Variants in CFHR2 observed in about 807,000 individuals in gnomAD.
CFHR2 encodes complement factor H related 2.
In CFHR2, 22 loss-of-function variants were observed where a neutral mutation model predicts 21.7. The observed-to-expected ratio is 1.01, with a 90% CI of 0.72 to 1.45. CFHR2 has a LOEUF of 1.45. Among genes scored for constraint, CFHR2 ranks in the 40% most tolerant of loss-of-function variants. CFHR2 has a pLI of 0.00. For synonymous variants in CFHR2, 98 were observed against 97.4 expected (o/e 1.01, Z -0.04); for missense variants, 294 against 293.3 (o/e 1.00, Z -0.02).
chr1:196,957,419 C>T (rs1042300583), intron 3 of CFHR2, among the ~76,000 whole-genome samples: 2 of 148,658 alleles, frequency 1.3e-5, no homozygotes, highest in Non-Finnish European at 1.5e-5. Flanking sequence ...AAAGTTTGTT[C>T]CTCATTTTGC....
At chr1:196,954,915 G>A (rs1291280917) in intron 3 of CFHR2, among the ~76,000 whole-genome samples, 2 of 152,230 alleles carry the variant, frequency 1.3e-5, no homozygotes, top group African/African-American at 4.8e-5. Context: ...CTTTGGGCCT[G>A]TGATTGGGAA....
intron 4 of CFHR2, 37 bp from the exon 5 acceptor site, chr1:196,958,844 T>G (rs769423571): frequency 7.5e-7 from 1 of 1,327,100 alleles, no homozygotes; most frequent in Non-Finnish European, 1.1e-6. Flanking sequence ...ATTTGCATAC[T>G]ACTTAATGTT....
chr1:196,949,430 C>G (rs775938028), intron 1 of CFHR2, 25 bp from the exon 2 acceptor site: 3 of 1,582,214 alleles, frequency 1.9e-6, no homozygotes, highest in South Asian at 1.1e-5. Flanking sequence ...TTATGTAATT[C>G]TTCAGTTTTG....
chr1:196,951,464 T>C (rs1659723868), intron 3 of CFHR2, among the ~76,000 whole-genome samples: 1 of 152,184 alleles, frequency 6.6e-6, no homozygotes, highest in Non-Finnish European at 1.5e-5. Context: ...AATTCTTAAG[T>C]TTTAGAAAGT....
chr1:196,957,648 T>C (rs890985195), intron 3 of CFHR2, among the ~76,000 whole-genome samples: 1 of 152,178 alleles, frequency 6.6e-6, no homozygotes, highest in Non-Finnish European at 1.5e-5. Flanking sequence ...TAGAAAAACA[T>C]TTCTTAATCC....
chr1:196,948,862 T>C (rs1327198225), intron 1 of CFHR2, among the ~76,000 whole-genome samples: 1 of 152,142 alleles, frequency 6.6e-6, no homozygotes, highest in African/African-American at 2.4e-5. Context: ...TAGCTCTAAC[T>C]TTATCTTGAG....
intron 4 of CFHR2, 116 bp from the exon 5 acceptor site, chr1:196,958,765 G>T: frequency 4.6e-6 from 3 of 649,814 alleles, no homozygotes; most frequent in Non-Finnish European, 5.2e-6. Flanking sequence ...CATTAGTTTG[G>T]AAAGGATTTT....
intron 3 of CFHR2, 110 bp downstream of exon 3, chr1:196,951,138 C>T (rs1401232975): frequency 7.9e-6 from 10 of 1,265,014 alleles, no homozygotes; most frequent in Non-Finnish European, 8.7e-6. Flanking sequence ...CCACATACTT[C>T]TATCATTATT....
chr1:196,947,017 G>A lies in CFHR2; in HGVS notation c.59-2438G>A, dbSNP rs187644748. ...TGCTATGTTATGATGGCTATTAGGT[G>A]ATAGGAATTTTTCAGCTACACTATA... On this transcript the variant is annotated intron_variant, in intron 1 of 4. Coordinates refer to ENST00000367415, the MANE Select transcript of CFHR2 (RefSeq NM_005666.4). Among the ~76,000 whole-genome samples, 4 of 152,204 alleles carry A rather than the reference G, an allele frequency of 2.6e-5. No homozygotes were observed. In the East Asian group the frequency reaches 7.7e-4, roughly 29 times the overall value.
intron 3 of CFHR2, among the ~76,000 whole-genome samples, chr1:196,957,229 A>G (rs891058873): frequency 6.6e-6 from 1 of 152,092 alleles, no homozygotes; most frequent in African/African-American, 2.4e-5. Context: ...TATCCAGGAT[A>G]CAAAGGAGTC....
At position 196,957,949 on chromosome 1, in the gene CFHR2, C is replaced by A; in HGVS notation, c.489C>A (p.Phe163Leu). 2.5e-6 allele frequency: 4 copies of A among 1,613,602 alleles called. No homozygotes were observed. The highest frequency in any genetic ancestry group is 3.4e-6 in the Non-Finnish European group (4 of 1,179,688). ...TTGACAATGGAGACATTACTTCATT[C>A]CTGTTGTCAGTATATGCTCCAGGTT... is the stretch of plus-strand genomic sequence containing the variant. ...PPIDNGDITS[F>L]LLSVYAPGSS... is the part of the protein sequence containing the mutation. The change falls in exon 4 of 5, where the codon TTC (phenylalanine) becomes TTA (leucine). Residue 163 changes from phenylalanine to leucine, a missense_variant. Phe to Leu is a conservative substitution (Grantham distance 22). Coordinates refer to ENST00000367415, the MANE Select transcript of CFHR2 (RefSeq NM_005666.4).
At chr1:196,944,873 C>T (rs1323036228) in intron 1 of CFHR2, among the ~76,000 whole-genome samples, 4 of 147,748 alleles carry the variant, frequency 2.7e-5, no homozygotes, top group Non-Finnish European at 4.5e-5. Context: ...ATTTCTATTG[C>T]TTGAAATTCA....
intron 1 of CFHR2, among the ~76,000 whole-genome samples, chr1:196,947,880 A>T (rs1319864533): frequency 1.3e-5 from 2 of 152,134 alleles, no homozygotes; most frequent in Non-Finnish European, 2.9e-5. Flanking sequence ...AATTATATTG[A>T]CGGTGAGGGA....
intron 3 of CFHR2, among the ~76,000 whole-genome samples, chr1:196,952,603 G>A (rs536538744): frequency 2.6e-5 from 4 of 152,144 alleles, no homozygotes; most frequent in Non-Finnish European, 5.9e-5. Flanking sequence ...AGTTTGACCA[G>A]CTGTATCCCA....
intron 3 of CFHR2, 33 bp from the exon 4 acceptor site, chr1:196,957,858 A>G: frequency 1.3e-6 from 2 of 1,586,570 alleles, no homozygotes; most frequent in Non-Finnish European, 1.7e-6. Context: ...ATTTTTATTT[A>G]CTCTCCCAGT....
intron 3 of CFHR2, among the ~76,000 whole-genome samples, chr1:196,956,089 C>A (rs1652865582): frequency 6.6e-6 from 1 of 152,136 alleles, no homozygotes; most frequent in African/African-American, 2.4e-5. Context: ...ATGATCCAAC[C>A]ACCCCCCACC....
At chr1:196,951,585 T>TG (rs1476198955) in intron 3 of CFHR2, among the ~76,000 whole-genome samples, 1 of 152,136 alleles carries the variant, frequency 6.6e-6, no homozygotes, top group African/African-American at 2.4e-5. Flanking sequence ...TGTGAACTCT[T>TG]GCAATTCTTC....
rs182924508 is a variant in CFHR2, at chr1:196,946,450, G to A, written c.58+2512G>A. Among the ~76,000 whole-genome samples the A allele has an allele frequency of 7.4e-3, 1,122 of 151,952 alleles. 17 individuals carry two copies. The highest frequency in any genetic ancestry group is 0.024 in the African/African-American group (1,007 of 41,414). On this transcript the variant is annotated intron_variant, in intron 1 of 4. Coordinates refer to ENST00000367415, the MANE Select transcript of CFHR2 (RefSeq NM_005666.4). ...ATCAACTTTAATTTTTATGTCTTTC[G>A]AGATAATATTTAGCTTAAAAAACAT... is the stretch of plus-strand genomic sequence containing the variant.
At chr1:196,950,738 G>A in intron 2 of CFHR2, 114 bp from the exon 3 acceptor site, 1 of 1,199,646 alleles carries the variant, frequency 8.3e-7, no homozygotes, top group Non-Finnish European at 1.2e-6. Flanking sequence ...CTCCCAAAGT[G>A]CAGGGATTAC....
Sources: allele counts gnomAD v4.1 joint callset (sites outside exome capture counted in the v4.1 genomes callset), GRCh38; gene constraint gnomAD v4.1.1; transcripts MANE v1.5; gene names NCBI Gene and HGNC (gene_info 2026-07-23, HGNC 2026-07-21).